Variants in PTPRN2 observed in about 807,000 individuals in gnomAD.
PTPRN2 encodes the protein protein tyrosine phosphatase receptor type N2.
Under a neutral mutation model 118.8 loss-of-function variants are expected in PTPRN2, and 74 were observed. That is an observed-to-expected ratio of 0.62 (90% CI 0.52 to 0.76). PTPRN2 has a LOEUF of 0.76. Ranked by LOEUF, PTPRN2 falls within the 30% of genes least tolerant of loss-of-function variation. The pLI, the probability that PTPRN2 is intolerant of heterozygous loss-of-function variation, is 0.00. For synonymous variants in PTPRN2, 641 were observed against 608.0 expected (o/e 1.05, Z -0.80); for missense variants, 1,481 against 1,394.4 (o/e 1.06, Z -0.99).
At position 157,862,034 on chromosome 7, in the gene PTPRN2, T is replaced by C. The variant is rs1345822060; in HGVS notation, c.1788+36639A>G. Among the ~76,000 whole-genome samples the C allele has an allele frequency of 6.5e-5, 5 of 77,446 alleles. No homozygotes were observed. The East Asian group carries it at 2.0e-3, about 30-fold the overall frequency. 50.8% of individuals were successfully genotyped at this position (77,446 alleles called of 152,430 possible). ...TTCGAGGACTCTGTGTGCCGGAGTC[T>C]GTCCTCCCCATCACAGGGACACTGC... On this transcript the variant is annotated intron_variant, in intron 12 of 22. Coordinates refer to ENST00000389418, the MANE Select transcript of PTPRN2 (RefSeq NM_002847.5).
intron 12 of PTPRN2, among the ~76,000 whole-genome samples, chr7:157,691,433 T>G (rs1420460862): frequency 1.3e-5 from 2 of 152,164 alleles, no homozygotes; most frequent in Non-Finnish European, 2.9e-5. Context: ...CGGGCCTTTT[T>G]GCTCCCTTTC....
chr7:158,091,384 G>A (rs775041183), intron 10 of PTPRN2, among the ~76,000 whole-genome samples: 1 of 152,194 alleles, frequency 6.6e-6, no homozygotes. Flanking sequence ...CAACATAAAA[G>A]TAAATGCTTC....
intron 11 of PTPRN2, among the ~76,000 whole-genome samples, chr7:157,998,954 G>A (rs919412450): frequency 5.9e-5 from 9 of 152,146 alleles, no homozygotes; most frequent in African/African-American, 2.2e-4. Flanking sequence ...TGCGGGGTGC[G>A]AGGCATCCGG....
At chr7:157,701,417 G>T (rs1176383311) in intron 12 of PTPRN2, among the ~76,000 whole-genome samples, 1 of 152,190 alleles carries the variant, frequency 6.6e-6, no homozygotes, top group Non-Finnish European at 1.5e-5. Context: ...TTCAATAATA[G>T]TATCAGTCTT....
At chr7:158,298,549 A>G (rs897526297) in intron 3 of PTPRN2, among the ~76,000 whole-genome samples, 3 of 152,250 alleles carry the variant, frequency 2.0e-5, no homozygotes, top group African/African-American at 7.2e-5. Context: ...AATTTTGTGC[A>G]CATAACAAAG....
chr7:158,058,281 C>T (rs1340025449), intron 11 of PTPRN2, among the ~76,000 whole-genome samples: 4 of 146,996 alleles, frequency 2.7e-5, no homozygotes, highest in African/African-American at 1.0e-4. Context: ...GCCCCATCTG[C>T]CCACGGTGAG....
intron 6 of PTPRN2, among the ~76,000 whole-genome samples, chr7:158,159,070 C>T (rs5013416): frequency 4.5e-4 from 9 of 20,208 alleles, no homozygotes; most frequent in South Asian, 1.3e-3. Flanking sequence ...GCAAGGGCTT[C>T]CTGAATGAAT....
Position 158,278,448 on chromosome 7 carries a change from G to A in PTPRN2, c.277+38371C>T, listed in dbSNP as rs374642757. The stretch of plus-strand genomic sequence containing the variant: ...GGTGGGCGCCTGTAATCCCAGCTAC[G>A]TGGGAGGCTGCAGCAGGAGAATTGC... On this transcript the variant is annotated intron_variant, in intron 3 of 22. Coordinates refer to ENST00000389418, the MANE Select transcript of PTPRN2 (RefSeq NM_002847.5). Among the ~76,000 whole-genome samples the A allele has an allele frequency of 2.0e-4, 31 of 152,336 alleles. No homozygotes were observed. The East Asian group carries it at 2.1e-3, about 10-fold the overall frequency.
rs1208495006 is a variant in PTPRN2 at position 157,647,049 on chromosome 7, G to A, written c.2196+9308C>T. On this transcript the variant is annotated intron_variant, in intron 14 of 22. Coordinates refer to ENST00000389418, the MANE Select transcript of PTPRN2 (RefSeq NM_002847.5). ...ACTCGGTGGGTCGGACCCATCCAGC[G>A]TGCACTGAACTCGGTGGGTCGGACC... 2.7e-3 allele frequency among the ~76,000 whole-genome samples: 382 copies of A among 143,198 alleles called. 3 individuals carry two copies. The highest frequency in any genetic ancestry group is 9.2e-3 in the African/African-American group (348 of 38,004). 93.9% of individuals were successfully genotyped at this position (143,198 alleles called of 152,430 possible).
chr7:158,265,707 C>A (rs1797826818), intron 3 of PTPRN2, among the ~76,000 whole-genome samples: 1 of 152,238 alleles, frequency 6.6e-6, no homozygotes, highest in Non-Finnish European at 1.5e-5. Flanking sequence ...CCCGGGTACA[C>A]AGCGTGGCAT....
chr7:158,186,594 A>G (rs1585777363), intron 5 of PTPRN2, among the ~76,000 whole-genome samples: 1 of 150,294 alleles, frequency 6.7e-6, no homozygotes, highest in East Asian at 2.0e-4. Context: ...CTCTGGCATG[A>G]ACGCACCTGG....
At chr7:158,396,596 C>T (rs1481972317) in intron 2 of PTPRN2, among the ~76,000 whole-genome samples, 1 of 151,846 alleles carries the variant, frequency 6.6e-6, no homozygotes, top group Non-Finnish European at 1.5e-5. Flanking sequence ...ATGTTAGAGG[C>T]CACCCAGAGC....
At chr7:158,349,988 A>G (rs1303157584) in intron 2 of PTPRN2, among the ~76,000 whole-genome samples, 1 of 152,146 alleles carries the variant, frequency 6.6e-6, no homozygotes, top group Non-Finnish European at 1.5e-5. Flanking sequence ...TTTGCAGACT[A>G]GGTCACAGGA....
chr7:158,090,618 AT>A (rs1434315266), intron 10 of PTPRN2, among the ~76,000 whole-genome samples: 1 of 152,224 alleles, frequency 6.6e-6, no homozygotes, highest in East Asian at 1.9e-4. Context: ...GAGAAGTGAC[AT>A]CTAGCATTTT....
Position 158,581,412 on chromosome 7 carries a change from G to A in PTPRN2, c.112+6146C>T, listed in dbSNP as rs112220493. On this transcript the variant is annotated intron_variant, in intron 1 of 22. Transcript: ENST00000389418. ...ATGGGAGAGGCTGTCACTGTGAAGG[G>A]AGCACACTGGGAAGTTTTGGGGGTG... Among the ~76,000 whole-genome samples, 62 of 152,288 alleles carry A rather than the reference G, an allele frequency of 4.1e-4. 1 individual carries two copies. The highest frequency in any genetic ancestry group is 1.3e-3 in the African/African-American group (52 of 41,552).
intron 6 of PTPRN2, among the ~76,000 whole-genome samples, chr7:158,150,384 C>T (rs1236853038): frequency 2.6e-5 from 4 of 152,200 alleles, no homozygotes; most frequent in Admixed American, 6.5e-5. Context: ...CTCCGCCCTC[C>T]ACATGCAGGG....
Position 157,779,162 on chromosome 7 carries a change from G to A in PTPRN2, c.1789-96225C>T, listed in dbSNP as rs564034364. Among the ~76,000 whole-genome samples, 3 of 152,272 alleles carry A rather than the reference G, an allele frequency of 2.0e-5. No individual in the cohort carries two copies. In the South Asian group the frequency reaches 6.2e-4, roughly 32 times the overall value. On this transcript the variant is annotated intron_variant, in intron 12 of 22. Transcript: ENST00000389418. This position sits in a 1 kb window ranked among gnomAD's most constrained non-coding sequence, Gnocchi z 4.7. ...ACCAGGTGCAGGCCTTACATATAGA[G>A]GTAGTAGCGCTACATTGAGGATGCT...
At chr7:157,830,558 C>T (rs751897030) in intron 12 of PTPRN2, among the ~76,000 whole-genome samples, 12 of 151,762 alleles carry the variant, frequency 7.9e-5, no homozygotes, top group Admixed American at 3.9e-4. Context: ...CATCGCCACG[C>T]GGGGAGGGGC....
chr7:157,642,010 C>T (rs145802573), intron 14 of PTPRN2, among the ~76,000 whole-genome samples: 1 of 152,246 alleles, frequency 6.6e-6, no homozygotes, highest in African/African-American at 2.4e-5. Flanking sequence ...TGCCACCTGC[C>T]CAACACAGCT....
Sources: gnomAD v4.1 joint callset for allele counts (sites outside exome capture counted in the v4.1 genomes callset) on GRCh38, gnomAD v4.1.1 for gene constraint, Gnocchi (gnomAD v3.1) non-coding constraint, MANE v1.5 for transcripts, NCBI Gene and HGNC (gene_info 2026-07-23, HGNC 2026-07-21) for gene names.